GRIN2B: variants seen among roughly 807,000 people sequenced by gnomAD.
GRIN2B encodes glutamate ionotropic receptor NMDA type subunit 2B, also known as glutamate receptor ionotropic, NMDA 2B.
Under a neutral mutation model 114.5 loss-of-function variants are expected in GRIN2B, and 5 were observed. The ratio of observed to expected loss-of-function variants is 0.04; its 90% CI spans 0.02 to 0.09. The LOEUF (loss-of-function observed/expected upper bound fraction) is 0.09, where lower values mean the gene tolerates loss of function less well. Among genes scored for constraint, GRIN2B ranks in the 10% least tolerant of loss-of-function variants. GRIN2B has a pLI of 1.00. For synonymous variants in GRIN2B, 787 were observed against 745.1 expected (o/e 1.06, Z -0.92); for missense variants, 1,108 against 1,943.5 (o/e 0.57, Z 8.08).
At chr12:13,792,212 G>C (rs1029149016) in intron 3 of GRIN2B, among the ~76,000 whole-genome samples, 1 of 152,174 alleles carries the variant, frequency 6.6e-6, no homozygotes, top group Admixed American at 6.5e-5. Flanking sequence ...TGAGTGCTTG[G>C]GCATGTCTAA....
At chr12:13,930,034 A>C (rs1388632225) in intron 2 of GRIN2B, among the ~76,000 whole-genome samples, 2 of 152,092 alleles carry the variant, frequency 1.3e-5, no homozygotes, top group African/African-American at 4.8e-5. Context: ...CAACACAAAA[A>C]TTAGCTGGGC....
chr12:13,767,584 T>C (rs1465099934), intron 3 of GRIN2B, among the ~76,000 whole-genome samples: 2 of 152,206 alleles, frequency 1.3e-5, no homozygotes, highest in Non-Finnish European at 2.9e-5. Context: ...GCATATGATC[T>C]GAGCTAGAGG....
chr12:13,613,480 G>A (rs1949392280), intron 8 of GRIN2B, among the ~76,000 whole-genome samples: 1 of 152,104 alleles, frequency 6.6e-6, no homozygotes, highest in African/African-American at 2.4e-5. Flanking sequence ...GAAAGTGTCA[G>A]GGTCAGCTTA....
chr12:13,850,267 C>T lies in GRIN2B; in HGVS notation c.411+15531G>A, dbSNP rs980879828. On this transcript the variant is annotated intron_variant, in intron 3 of 13. Coordinates refer to ENST00000609686, the MANE Select transcript of GRIN2B (RefSeq NM_000834.5). Reference sequence around the variant, plus strand: ...ACTTCTCATCTACTGAGATGGAATCCTAGACCTTAGACTGATGTGCACTCA... The same window carrying T: ...ACTTCTCATCTACTGAGATGGAATCTTAGACCTTAGACTGATGTGCACTCA... 3.9e-5 allele frequency among the ~76,000 whole-genome samples: 6 copies of T among 152,258 alleles called. No homozygotes were observed. In the South Asian group the frequency reaches 1.0e-3, roughly 26 times the overall value.
At chr12:13,979,517 A>G (rs1366867135) in intron 2 of GRIN2B, among the ~76,000 whole-genome samples, 1 of 150,138 alleles carries the variant, frequency 6.7e-6, no homozygotes, top group Non-Finnish European at 1.5e-5. Flanking sequence ...CAAGGGGAAT[A>G]AAGCCAACCT....
rs550416016 is a variant in GRIN2B at position 13,772,459 on chromosome 12, C to T, written c.412-18544G>A. Among the ~76,000 whole-genome samples the T allele has an allele frequency of 5.3e-5, 8 of 152,294 alleles. No homozygotes were observed. The East Asian group carries it at 1.4e-3, about 26-fold the overall frequency. On this transcript the variant is annotated intron_variant, in intron 3 of 13. Coordinates refer to ENST00000609686, the MANE Select transcript of GRIN2B (RefSeq NM_000834.5). ...CCACTTCTCACTCCCATTCATGCCC[C>T]CTGCTCAGTCGACAAGCTCCACCCA...
At position 13,818,965 on chromosome 12, in the gene GRIN2B, T is replaced by C. The variant is rs187707630; in HGVS notation, c.411+46833A>G. The stretch of plus-strand genomic sequence containing the variant: ...TACATTCACACATTTCCAACACCTA[T>C]GAGAGCTTTATAAGCTCAACTGTGT... On this transcript the variant is annotated intron_variant, in intron 3 of 13. Transcript: ENST00000609686. 4.6e-5 allele frequency among the ~76,000 whole-genome samples: 7 copies of C among 152,328 alleles called. No individual in the cohort carries two copies. The East Asian group carries it at 1.3e-3, about 29-fold the overall frequency.
At position 13,830,152 on chromosome 12, in the gene GRIN2B, C is replaced by G. The variant is rs376684083; in HGVS notation, c.411+35646G>C. 1.6e-4 allele frequency among the ~76,000 whole-genome samples: 25 copies of G among 152,284 alleles called. No individual in the cohort carries two copies. The South Asian group carries it at 5.2e-3, about 32-fold the overall frequency. ...CAGGGGACTTTAAAGAAGGATGTATCTAAGGTCAGGGATTATAACTTGGGC... is the reference window on the plus strand; with the variant it reads ...CAGGGGACTTTAAAGAAGGATGTATGTAAGGTCAGGGATTATAACTTGGGC... On this transcript the variant is annotated intron_variant, in intron 3 of 13. Transcript: ENST00000609686.
intron 2 of GRIN2B, among the ~76,000 whole-genome samples, chr12:13,922,515 C>A (rs1406596313): frequency 2.0e-5 from 3 of 152,128 alleles, no homozygotes; most frequent in Non-Finnish European, 4.4e-5. Context: ...TTCAAATGGG[C>A]AAGACTGTAA....
chr12:13,837,024 A>G (rs2193508), intron 3 of GRIN2B, among the ~76,000 whole-genome samples: 2,379 of 152,274 alleles, frequency 0.016, 60 homozygotes, highest in African/African-American at 0.054. Flanking sequence ...CTTACATCAA[A>G]TCATTTTCTC....
At chr12:13,603,242 ACTAT>A (rs1263647540) in intron 10 of GRIN2B, among the ~76,000 whole-genome samples, 2 of 152,228 alleles carry the variant, frequency 1.3e-5, no homozygotes, top group Admixed American at 6.5e-5. Context: ...ATGTTACAAT[ACTAT>A]CTATCTAATT....
intron 2 of GRIN2B, among the ~76,000 whole-genome samples, chr12:13,941,148 T>G (rs1484531178): frequency 6.6e-6 from 1 of 152,078 alleles, no homozygotes; most frequent in Non-Finnish European, 1.5e-5. Context: ...TCTGTGGCCG[T>G]TGGATAGAGC....
At chr12:13,890,291 T>C (rs1866237116) in intron 2 of GRIN2B, among the ~76,000 whole-genome samples, 1 of 152,212 alleles carries the variant, frequency 6.6e-6, no homozygotes, top group Admixed American at 6.5e-5. Flanking sequence ...TAACATCCTG[T>C]GAAGTCTGCC....
chr12:13,737,899 C>A (rs1211502174), intron 4 of GRIN2B, among the ~76,000 whole-genome samples: 1 of 152,142 alleles, frequency 6.6e-6, no homozygotes, highest in Non-Finnish European at 1.5e-5. Flanking sequence ...ATTACCCTAC[C>A]CATAATTCTG....
At chr12:13,580,935 A>G (rs1443066599) in intron 10 of GRIN2B, among the ~76,000 whole-genome samples, 2 of 152,152 alleles carry the variant, frequency 1.3e-5, no homozygotes, top group Non-Finnish European at 2.9e-5. Flanking sequence ...ACCTTTTGAG[A>G]CTGGCTTTTT....
At chr12:13,857,388 C>T (rs896456915) in intron 3 of GRIN2B, among the ~76,000 whole-genome samples, 12 of 152,150 alleles carry the variant, frequency 7.9e-5, no homozygotes, top group Middle Eastern at 3.4e-3. Flanking sequence ...CACACACACA[C>T]ACACACACAC....
intron 3 of GRIN2B, among the ~76,000 whole-genome samples, chr12:13,775,727 T>C (rs1178594934): frequency 6.6e-6 from 1 of 152,250 alleles, no homozygotes; most frequent in Non-Finnish European, 1.5e-5. Flanking sequence ...TAAATTCTTT[T>C]AAATTTTCAC....
intron 4 of GRIN2B, among the ~76,000 whole-genome samples, chr12:13,705,302 T>G (rs1950350215): frequency 6.6e-6 from 1 of 152,154 alleles, no homozygotes; most frequent in South Asian, 2.1e-4. Flanking sequence ...CTTGTAGTAA[T>G]CATCATGTCT....
chr12:13,720,200 G>A (rs1224204876), intron 4 of GRIN2B, among the ~76,000 whole-genome samples: 3 of 151,984 alleles, frequency 2.0e-5, no homozygotes, highest in Non-Finnish European at 4.4e-5. Context: ...CACTTCCCAG[G>A]TACCTGTGGC....
Sources: gnomAD v4.1 joint callset for allele counts (sites outside exome capture counted in the v4.1 genomes callset) on GRCh38, gnomAD v4.1.1 for gene constraint, MANE v1.5 for transcripts, NCBI Gene and HGNC (gene_info 2026-07-23, HGNC 2026-07-21) for gene names.